Variants in TPH2 observed in about 807,000 individuals in gnomAD.
TPH2 encodes the protein tryptophan 5-hydroxylase 2.
Under a neutral mutation model 59.1 loss-of-function variants are expected in TPH2, and 27 were observed. The observed-to-expected ratio is 0.46, with a 90% CI of 0.34 to 0.63. The LOEUF (loss-of-function observed/expected upper bound fraction) is 0.63. Ranked by LOEUF, TPH2 falls within the 30% of genes least tolerant of loss-of-function variation. TPH2 has a pLI of 0.01. For synonymous variants in TPH2, 220 were observed against 210.5 expected (o/e 1.05, Z -0.39); for missense variants, 523 against 588.3 (o/e 0.89, Z 1.15).
intron 7 of TPH2, among the ~76,000 whole-genome samples, chr12:71,982,520 G>A (rs554207151): frequency 3.3e-5 from 5 of 152,042 alleles, no homozygotes; most frequent in African/African-American, 9.7e-5. Flanking sequence ...TTTAATCCTT[G>A]TATATTGCAA....
chr12:71,965,858 T>C (rs528743720), intron 5 of TPH2, among the ~76,000 whole-genome samples: 158 of 152,344 alleles, frequency 1.0e-3, no homozygotes, highest in African/African-American at 3.4e-3. Context: ...GCAATTGCTT[T>C]TGGTGTCTTT....
intron 7 of TPH2, among the ~76,000 whole-genome samples, chr12:71,984,169 A>G (rs1321398901): frequency 6.6e-6 from 1 of 152,230 alleles, no homozygotes; most frequent in Non-Finnish European, 1.5e-5. Flanking sequence ...GTATTAAGGA[A>G]CATCTTTTTT....
chr12:71,957,575 A>G (rs563812656), intron 5 of TPH2, among the ~76,000 whole-genome samples: 22 of 152,092 alleles, frequency 1.4e-4, no homozygotes, highest in Non-Finnish European at 2.9e-4. Flanking sequence ...GCCTCAAACA[A>G]TCCTCCTGCC....
In TPH2 at chr12:71,961,793, T is replaced by C. The variant is rs1018606920; in HGVS notation, c.609-10726T>C. On this transcript the variant is annotated intron_variant, in intron 5 of 10. Coordinates refer to ENST00000333850, the MANE Select transcript of TPH2 (RefSeq NM_173353.4). ...AATAGTGGGAAGCCCTATCCTGTGG[T>C]GCACAGGACAAATAAAAACAAATAA... The C allele has an allele frequency of 4.0e-6, 5 of 1,242,618 alleles. No individual in the cohort carries two copies. In the African/African-American group the frequency reaches 7.8e-5, roughly 19 times the overall value. 77.0% of individuals were successfully genotyped at this position (1,242,618 alleles called of 1,614,324 possible).
intron 5 of TPH2, among the ~76,000 whole-genome samples, chr12:71,955,021 G>A (rs1871455758): frequency 6.6e-6 from 1 of 152,078 alleles, no homozygotes. Context: ...TGAACCTCAT[G>A]TTCTTCTCAT....
chr12:71,988,572 G>A (rs542436172), intron 7 of TPH2, among the ~76,000 whole-genome samples: 2 of 152,284 alleles, frequency 1.3e-5, no homozygotes, highest in South Asian at 4.1e-4. Flanking sequence ...ACTATCCCGA[G>A]GACAGCACCA....
At chr12:71,949,946 T>C (rs1398091858) in intron 5 of TPH2, among the ~76,000 whole-genome samples, 3 of 151,648 alleles carry the variant, frequency 2.0e-5, no homozygotes, top group Non-Finnish European at 4.4e-5. Context: ...CCTTAGAAAC[T>C]GTGTTTTAAT....
rs539374136 is a variant in TPH2, at chr12:71,953,416, G to T, written c.608+3761G>T. ...GTGTCACTTTTGGGCTCTTGTGCCT[G>T]CCATGGTGCTGGTGGGGGTGGGGCA... On this transcript the variant is annotated intron_variant, in intron 5 of 10. Coordinates refer to ENST00000333850, the MANE Select transcript of TPH2 (RefSeq NM_173353.4). Among the ~76,000 whole-genome samples, 503 of 152,150 alleles carry T rather than the reference G, an allele frequency of 3.3e-3. 1 individual carries two copies. The highest frequency in any genetic ancestry group is 0.012 in the African/African-American group (488 of 41,496).
chr12:71,996,712 AGAG>A (rs1330420251), intron 8 of TPH2, among the ~76,000 whole-genome samples: 4 of 152,288 alleles, frequency 2.6e-5, no homozygotes, highest in East Asian at 3.9e-4. Context: ...GCATCTAAAT[AGAG>A]GAGAAGAAGA....
chr12:71,948,789 C>T (rs1871268673), intron 4 of TPH2, among the ~76,000 whole-genome samples: 1 of 152,114 alleles, frequency 6.6e-6, no homozygotes, highest in Non-Finnish European at 1.5e-5. Context: ...AAGAAACAAC[C>T]CTGGAAAGAA....
At chr12:72,015,598 C>T (rs777839790) in intron 8 of TPH2, among the ~76,000 whole-genome samples, 14 of 152,134 alleles carry the variant, frequency 9.2e-5, no homozygotes, top group Non-Finnish European at 1.5e-4. Context: ...GGATTACAGA[C>T]GTGAGCCACC....
At chr12:71,945,288 G>A (rs1376409427) in intron 4 of TPH2, among the ~76,000 whole-genome samples, 1 of 152,026 alleles carries the variant, frequency 6.6e-6, no homozygotes, top group Non-Finnish European at 1.5e-5. Flanking sequence ...ACTTGGGTAA[G>A]CATTTCCCAT....
At chr12:71,943,533 C>T (rs547146035) in intron 2 of TPH2, among the ~76,000 whole-genome samples, 1 of 152,276 alleles carries the variant, frequency 6.6e-6, no homozygotes, top group East Asian at 1.9e-4. Flanking sequence ...GTTGCAGCAA[C>T]ACATCCTTGG....
Position 71,941,546 on chromosome 12 carries a change from C to T in TPH2, c.106-38C>T, listed in dbSNP as rs371546482. On this transcript the variant is annotated intron_variant, in intron 1 of 10. Coordinates refer to ENST00000333850, the MANE Select transcript of TPH2 (RefSeq NM_173353.4). ...ATTACGGAGGATTCTGGAACCCTAA[C>T]TAATATTTTGTTTTATTATGCTTCG... 5.9e-5 allele frequency: 95 copies of T among 1,603,690 alleles called. No homozygotes were observed. In the Admixed American group the frequency reaches 1.1e-3, roughly 18 times the overall value.
chr12:72,013,786 T>TA (rs978919210), intron 8 of TPH2, among the ~76,000 whole-genome samples: 2 of 152,214 alleles, frequency 1.3e-5, no homozygotes, highest in East Asian at 3.8e-4. Context: ...ACATTTAATT[T>TA]AAAAAATGTG....
intron 7 of TPH2, among the ~76,000 whole-genome samples, chr12:71,993,988 T>G (rs1346099747): frequency 6.6e-6 from 1 of 152,134 alleles, no homozygotes; most frequent in Non-Finnish European, 1.5e-5. Context: ...AATACACAAA[T>G]GAATGGGCAT....
intron 5 of TPH2, among the ~76,000 whole-genome samples, chr12:71,956,035 TC>T (rs1229678770): frequency 2.0e-5 from 3 of 152,178 alleles, no homozygotes; most frequent in Non-Finnish European, 2.9e-5. Context: ...GAAACCATCA[TC>T]CAAAGGCTTG....
At chr12:71,961,673 C>T in intron 5 of TPH2, 1 of 1,351,398 alleles carries the variant, frequency 7.4e-7, no homozygotes, top group South Asian at 1.1e-5. Flanking sequence ...ATGTTAGATC[C>T]ATTGTTGTTG....
Position 71,962,987 on chromosome 12 carries a change from G to A in TPH2, c.609-9532G>A, listed in dbSNP as rs560965714. On this transcript the variant is annotated intron_variant, in intron 5 of 10. Transcript: ENST00000333850. ...ACCCGCCTCGGCCTCCCAGAGTGCCGGGATTACAGATGTGAGCCACCGTGC... is the reference window on the plus strand; with the variant it reads ...ACCCGCCTCGGCCTCCCAGAGTGCCAGGATTACAGATGTGAGCCACCGTGC... Among the ~76,000 whole-genome samples the A allele has an allele frequency of 3.8e-5, 2 of 53,206 alleles. 1 individual carries two copies. The highest frequency in any genetic ancestry group is 1.1e-4 in the African/African-American group (2 of 18,914). 34.9% of individuals were successfully genotyped at this position (53,206 alleles called of 152,430 possible).
Sources: gnomAD v4.1 joint callset for allele counts (sites outside exome capture counted in the v4.1 genomes callset) on GRCh38, gnomAD v4.1.1 for gene constraint, MANE v1.5 for transcripts, NCBI Gene and HGNC (gene_info 2026-07-23, HGNC 2026-07-21) for gene names.